Variants in DYNC1LI2 observed in about 807,000 individuals in gnomAD.
DYNC1LI2 encodes dynein cytoplasmic 1 light intermediate chain 2, also known as cytoplasmic dynein 1 light intermediate chain 2.
In DYNC1LI2, 19 loss-of-function variants were observed where a neutral mutation model predicts 57.8. The ratio of observed to expected loss-of-function variants is 0.33; its 90% CI spans 0.23 to 0.48. The LOEUF (loss-of-function observed/expected upper bound fraction) is 0.48. Ranked by LOEUF, DYNC1LI2 falls within the 20% of genes least tolerant of loss-of-function variation. The pLI is 0.99. For missense variants in DYNC1LI2, 470 were observed against 604.2 expected, an observed-to-expected ratio of 0.78 and a Z score of 2.33; for synonymous variants, 256 against 233.4, an observed-to-expected ratio of 1.10 and a Z score of -0.88.
intron 6 of DYNC1LI2, chr16:66,733,542 TA>T: frequency 6.6e-6 from 1 of 152,028 alleles, no homozygotes; most frequent in Middle Eastern, 3.4e-3. Flanking sequence ...TGTTCTCTAC[TA>T]AAAATACAAA....
At chr16:66,724,291 G>T (rs892724343) in intron 12 of DYNC1LI2, among the ~76,000 whole-genome samples, 9 of 152,132 alleles carry the variant, frequency 5.9e-5, no homozygotes, top group Admixed American at 3.9e-4. Flanking sequence ...GAATAAGATA[G>T]TTCAGTCCTG....
At chr16:66,749,479 A>C (rs1460036043) in intron 2 of DYNC1LI2, among the ~76,000 whole-genome samples, 166 bp from the exon 3 acceptor site, 1 of 151,972 alleles carries the variant, frequency 6.6e-6, no homozygotes, top group Non-Finnish European at 1.5e-5. Context: ...AGTGGTTGGG[A>C]GGGTGGGGAG....
chr16:66,728,571 G>A (rs2017577400), intron 9 of DYNC1LI2, among the ~76,000 whole-genome samples: 1 of 152,192 alleles, frequency 6.6e-6, no homozygotes. Context: ...GGTGGACCCA[G>A]GACACATCTA....
chr16:66,727,126 C>T (rs977465220), intron 11 of DYNC1LI2, among the ~76,000 whole-genome samples: 2 of 152,154 alleles, frequency 1.3e-5, no homozygotes, highest in Admixed American at 6.5e-5. Flanking sequence ...CTATGTTGCC[C>T]GGGCTAGTCT....
At position 66,749,248 on chromosome 16, in the gene DYNC1LI2, C is replaced by G. The variant is rs374545682; in HGVS notation, c.247G>C (p.Gly83Arg). The G allele has an allele frequency of 6.2e-7, 1 of 1,614,062 alleles. No homozygotes were observed. The highest frequency in any genetic ancestry group is 1.3e-5 in the African/African-American group (1 of 74,918). Residue 83 changes from glycine (G) to arginine (R), a missense_variant, in exon 3 of 13, where the codon GGA becomes CGA. Coordinates refer to ENST00000258198, the MANE Select transcript of DYNC1LI2 (RefSeq NM_006141.3). Reference sequence around the variant, plus strand: ...AGGTAGAGATATTCTAGGCCTCTTCCTTTTTTGCCATGCTCAGCTCCTTGT... The same window carrying G: ...AGGTAGAGATATTCTAGGCCTCTTCGTTTTTTGCCATGCTCAGCTCCTTGT... ...KLQGAEHGKKGRGLEYLYLSV... is the reference protein window; with the variant it reads ...KLQGAEHGKKRRGLEYLYLSV...
chr16:66,735,282 G>A (rs1326468357), intron 5 of DYNC1LI2, among the ~76,000 whole-genome samples: 1 of 151,308 alleles, frequency 6.6e-6, no homozygotes, highest in African/African-American at 2.4e-5. Flanking sequence ...TTCTATTTTA[G>A]TAGAGACAGG....
chr16:66,749,427 G>A (rs777816447), intron 2 of DYNC1LI2, 114 bp from the exon 3 acceptor site: 28 of 1,043,502 alleles, frequency 2.7e-5, no homozygotes, highest in Non-Finnish European at 4.1e-5. Context: ...GTCTGCTGTT[G>A]AAGTCTCACC....
At chr16:66,742,414 T>C (rs1421203613) in intron 4 of DYNC1LI2, 24 bp downstream of exon 4, 20 of 1,606,922 alleles carry the variant, frequency 1.2e-5, no homozygotes, top group African/African-American at 4.0e-5. Context: ...AACTTCCCAA[T>C]TAAGAAAATT....
In DYNC1LI2 at chr16:66,727,721, T is replaced by C; in HGVS notation, c.1228A>G (p.Thr410Ala). The change falls in exon 11 of 13, where the codon ACG becomes GCG. Residue 410 changes from threonine to alanine, a missense_variant. By Grantham distance (58) the Thr-to-Ala change is moderately conservative. Coordinates refer to ENST00000258198, the MANE Select transcript of DYNC1LI2 (RefSeq NM_006141.3). ...TTTGGGTCCGGCTTTTTTACTGACG[T>C]GCCTGGGGAGGAGCTAGGCACACTG... The part of the protein sequence containing the change: ...PASVPSSSPG[T>A]SVKKPDPNIK... The C allele has an allele frequency of 6.2e-7, 1 of 1,614,148 alleles. No individual in the cohort carries two copies. Among genetic ancestry groups the C allele is most frequent in the Non-Finnish European group, 8.5e-7 (1 of 1,180,008 alleles).
chr16:66,751,231 C>T lies in DYNC1LI2; in HGVS notation c.181+42G>A, dbSNP rs2018043770. 1 of 1,597,958 alleles carries T rather than the reference C, an allele frequency of 6.3e-7. No individual in the cohort carries two copies. Among genetic ancestry groups the T allele is most frequent in the Middle Eastern group, 1.8e-4 (1 of 5,502 alleles). ...CTGAGGGAGGGGCGCCCGCCTCGCCCACCCCAGCGACCTGGGGCAACGCCC... is the reference window on the plus strand; with the variant it reads ...CTGAGGGAGGGGCGCCCGCCTCGCCTACCCCAGCGACCTGGGGCAACGCCC... On this transcript the variant is annotated intron_variant, in intron 2 of 12. Coordinates refer to ENST00000258198, the MANE Select transcript of DYNC1LI2 (RefSeq NM_006141.3). This position sits in a 1 kb window ranked among gnomAD's most constrained non-coding sequence, Gnocchi z 5.2.
Position 66,742,547 on chromosome 16 carries a change from A to G in DYNC1LI2, c.420T>C (p.Ser140=). The change falls in exon 4 of 13, where the codon TCT becomes TCC. Residue 140 remains serine, a synonymous_variant. Transcript: ENST00000258198. ...ETLVIFVADM[S]RPWTVMESLQ... ...GAGATTCCATCACAGTCCAAGGTCT[A>G]GACATGTCTGCAACAAAAATGACGA... is the stretch of plus-strand genomic sequence containing the variant. The G allele has an allele frequency of 1.2e-6, 2 of 1,614,254 alleles. No individual in the cohort carries two copies. The highest frequency in any genetic ancestry group is 1.1e-5 in the South Asian group (1 of 91,090).
At chr16:66,746,157 A>G (rs2017932512) in intron 3 of DYNC1LI2, among the ~76,000 whole-genome samples, 1 of 152,140 alleles carries the variant, frequency 6.6e-6, no homozygotes, top group Non-Finnish European at 1.5e-5. Context: ...CTGTACCCAA[A>G]GTCTGTGGGT....
In DYNC1LI2 at chr16:66,721,339, T is replaced by A. The variant is rs2017448361; in HGVS notation, c.*2383A>T. The A allele has an allele frequency of 6.6e-6, 1 of 152,600 alleles. No homozygotes were observed. The highest frequency in any genetic ancestry group is 1.5e-5 in the Non-Finnish European group (1 of 68,022). The allele number at this position is 152,600 out of a possible 1,614,324, so 9.5% of individuals were successfully genotyped here. A position where few individuals can be genotyped will look rare whatever the true frequency, so the allele number is the denominator to read the frequency against. ...AAGGTGGGCTTTTCTCTGATTTTTT[T>A]TTTTATTTTAAAGACAAAAAGCAGA... On this transcript the variant is annotated 3_prime_UTR_variant, in exon 13 of 13. Transcript: ENST00000258198.
intron 11 of DYNC1LI2, among the ~76,000 whole-genome samples, chr16:66,726,751 C>T (rs1282127980): frequency 6.6e-6 from 1 of 152,134 alleles, no homozygotes; most frequent in East Asian, 1.9e-4. Context: ...AAGCCGTTCT[C>T]CTGCCTCTGC....
chr16:66,735,100 G>GTTTTTTTTTTTTTT (rs71145936), intron 5 of DYNC1LI2, among the ~76,000 whole-genome samples: 2 of 134,832 alleles, frequency 1.5e-5, no homozygotes, highest in African/African-American at 2.8e-5. Flanking sequence ...AACTTTGTTT[G>GTTTTTTTTTTTTTT]TTTTTTTTTT....
At position 66,734,318 on chromosome 16, in the gene DYNC1LI2, G is replaced by A. The variant is rs559248622; in HGVS notation, c.700-7C>T. 4.0e-5 allele frequency: 64 copies of A among 1,613,776 alleles called. 1 individual carries two copies. In the South Asian group the frequency reaches 6.8e-4, roughly 17 times the overall value. The stretch of plus-strand genomic sequence containing the variant: ...GGACACTCACCGCATCACACTGCAG[G>A]GAAGACAGACAGAGTCACCTTTTTG... On this transcript the variant is annotated splice_region_variant and splice_polypyrimidine_tract_variant and intron_variant, in intron 5 of 12. Coordinates refer to ENST00000258198, the MANE Select transcript of DYNC1LI2 (RefSeq NM_006141.3).
chr16:66,745,961 A>G (rs1361095915), intron 3 of DYNC1LI2, among the ~76,000 whole-genome samples: 1 of 152,126 alleles, frequency 6.6e-6, no homozygotes, highest in Admixed American at 6.6e-5. Context: ...CCTCTTTTAG[A>G]AAAATATACT....
chr16:66,732,144 C>A (rs1298598223), intron 7 of DYNC1LI2, 195 bp downstream of exon 7: 1 of 638,898 alleles, frequency 1.6e-6, no homozygotes, highest in Non-Finnish European at 2.4e-6. Context: ...GGAAGAAAGG[C>A]AGCACCCCTG....
Position 66,742,444 on chromosome 16 carries a change from G to A in DYNC1LI2, c.523C>T (p.Arg175Trp), listed in dbSNP as rs772923854. 19 of 1,613,276 alleles carry A rather than the reference G, an allele frequency of 1.2e-5. No homozygotes were observed. The highest frequency in any genetic ancestry group is 8.8e-5 in the South Asian group (8 of 91,038). Reference sequence around the variant, plus strand: ...AAAATTATATTTTACTCACACTTCCGTTCCAGCTCCCTCATTTTTTCTGGT... The same window carrying A: ...AAAATTATATTTTACTCACACTTCCATTCCAGCTCCCTCATTTTTTCTGGT... ...IPPEKMRELERKFVKDFQDYM... is the reference protein window; with the variant it reads ...IPPEKMRELEWKFVKDFQDYM... The change falls in exon 4 of 13, where the codon CGG becomes TGG. Residue 175 changes from arginine to tryptophan, a missense_variant. Transcript: ENST00000258198.
Sources: gnomAD v4.1 joint callset for allele counts (sites outside exome capture counted in the v4.1 genomes callset) on GRCh38, gnomAD v4.1.1 for gene constraint, Gnocchi (gnomAD v3.1) non-coding constraint, MANE v1.5 for transcripts, NCBI Gene and HGNC (gene_info 2026-07-23, HGNC 2026-07-21) for gene names.